Variants in CDKL1 observed in about 807,000 individuals in gnomAD.
CDKL1 encodes the protein cyclin dependent kinase like 1.
In CDKL1, 41 loss-of-function variants were observed where a neutral mutation model predicts 42.0. That is an observed-to-expected ratio of 0.98 (90% CI 0.76 to 1.27). The LOEUF is 1.27. CDKL1 is among the 50% of genes most tolerant of loss of function. The pLI, the probability that CDKL1 is intolerant of heterozygous loss-of-function variation, is 0.00. For synonymous variants in CDKL1, 153 were observed against 158.6 expected, an observed-to-expected ratio of 0.96 and a Z score of 0.26; for missense variants, 394 against 428.4, an observed-to-expected ratio of 0.92 and a Z score of 0.71.
At position 50,328,460 on chromosome 14, in the gene CDKL1, A is replaced by G. The variant is rs1023105654; in HGVS notation, c.*1614T>C. 1 of 152,194 alleles carries G rather than the reference A, an allele frequency of 6.6e-6. No individual in the cohort carries two copies. The highest frequency in any genetic ancestry group is 2.4e-5 in the African/African-American group (1 of 41,446). The allele number at this position is 152,194 out of a possible 1,614,324, so 9.4% of individuals were successfully genotyped here. ...ACTTAAGTAAATGGGGTCAGATGTC[A>G]TCATGAAGAAAATTAACAGGAAGAA... On this transcript the variant is annotated 3_prime_UTR_variant, in exon 10 of 10. Transcript: ENST00000395834.
At chr14:50,389,847 G>C (rs912356465) in intron 2 of CDKL1, among the ~76,000 whole-genome samples, 2 of 152,110 alleles carry the variant, frequency 1.3e-5, no homozygotes, top group African/African-American at 4.8e-5. Context: ...TATGGTGTTT[G>C]GTATAAAGTG....
In CDKL1 at chr14:50,396,009, A is replaced by G. The variant is rs1482847988; in HGVS notation, c.-141T>C. On this transcript the variant is annotated 5_prime_UTR_variant, in exon 2 of 10. Coordinates refer to ENST00000395834, the MANE Select transcript of CDKL1 (RefSeq NM_004196.7). ...AGACCAGTCTGGCCAACATACTGAA[A>G]CTCCGTCTCTACTAAAGATACAAAA... 1 of 1,005,904 alleles carries G rather than the reference A, an allele frequency of 9.9e-7. No individual in the cohort carries two copies. Among genetic ancestry groups the G allele is most frequent in the African/African-American group, 1.6e-5 (1 of 61,296 alleles). The allele number at this position is 1,005,904 out of a possible 1,614,324, so 62.3% of individuals were successfully genotyped here. A position where few individuals can be genotyped will look rare whatever the true frequency, so the allele number is the denominator to read the frequency against.
intron 7 of CDKL1, among the ~76,000 whole-genome samples, chr14:50,336,451 C>T (rs538156103): frequency 6.8e-4 from 103 of 152,268 alleles, no homozygotes; most frequent in Non-Finnish European, 1.3e-3. Context: ...TGGGTCACCT[C>T]CCATATGTCA....
Position 50,328,588 on chromosome 14 carries a change from G to T in CDKL1, c.*1486C>A, listed in dbSNP as rs2032792389. ...TAGTGGCAGCACATCAACCAGAAAT[G>T]GTGTTGAGCTGTAAGAAACAGACGT... is the stretch of plus-strand genomic sequence containing the variant. On this transcript the variant is annotated 3_prime_UTR_variant, in exon 10 of 10. Coordinates refer to ENST00000395834, the MANE Select transcript of CDKL1 (RefSeq NM_004196.7). 6.6e-6 allele frequency: 1 copy of T among 152,202 alleles called. No individual in the cohort carries two copies. The highest frequency in any genetic ancestry group is 1.5e-5 in the Non-Finnish European group (1 of 68,044). 9.4% of individuals were successfully genotyped at this position (152,202 alleles called of 1,614,324 possible). A position where few individuals can be genotyped will look rare whatever the true frequency, so the allele number is the denominator to read the frequency against.
intron 2 of CDKL1, among the ~76,000 whole-genome samples, chr14:50,380,866 T>A (rs1595363758): frequency 1.3e-5 from 2 of 148,924 alleles, no homozygotes; most frequent in Non-Finnish European, 3.0e-5. Flanking sequence ...TAGAGTGCAC[T>A]ATATAGCTCT....
At chr14:50,381,142 C>T (rs554890002) in intron 2 of CDKL1, among the ~76,000 whole-genome samples, 29 of 152,278 alleles carry the variant, frequency 1.9e-4, no homozygotes, top group South Asian at 2.1e-4. Context: ...GGACCCAGGA[C>T]AAGAGGGAAC....
intron 2 of CDKL1, among the ~76,000 whole-genome samples, chr14:50,379,762 A>C (rs1308042912): frequency 6.6e-6 from 1 of 152,198 alleles, no homozygotes; most frequent in African/African-American, 2.4e-5. Context: ...CTCCTCGCCC[A>C]GTTTCTAGAT....
chr14:50,352,176 C>A (rs1041273670), intron 3 of CDKL1, among the ~76,000 whole-genome samples: 1 of 152,120 alleles, frequency 6.6e-6, no homozygotes, highest in Non-Finnish European at 1.5e-5. Flanking sequence ...TTGGCATCAG[C>A]ATATAGTGGC....
At chr14:50,332,144 C>T (rs2032980705) in intron 9 of CDKL1, 118 bp downstream of exon 9, 1 of 1,612,632 alleles carries the variant, frequency 6.2e-7, no homozygotes, top group Non-Finnish European at 8.5e-7. Flanking sequence ...GATCCTATGA[C>T]CTGTCTCCTA....
intron 3 of CDKL1, among the ~76,000 whole-genome samples, chr14:50,353,956 TC>T (rs1418164049): frequency 2.0e-5 from 3 of 151,602 alleles, no homozygotes; most frequent in African/African-American, 4.8e-5. Flanking sequence ...TTCAATTTTT[TC>T]TTTTTTTTTT....
chr14:50,362,300 C>T (rs1218406840), intron 2 of CDKL1: 2 of 353,498 alleles, frequency 5.7e-6, no homozygotes, highest in African/African-American at 2.2e-5. Context: ...ATGGGACTGG[C>T]AGGCAGCTCC....
chr14:50,330,210 C>A, intron 9 of CDKL1, 29 bp from the exon 10 acceptor site: 1 of 1,585,534 alleles, frequency 6.3e-7, no homozygotes, highest in South Asian at 1.2e-5. Flanking sequence ...GAATTAGGTT[C>A]AAAACTGTGC....
At chr14:50,345,192 A>G (rs2033686998) in intron 3 of CDKL1, 134 bp from the exon 4 acceptor site, 3 of 707,530 alleles carry the variant, frequency 4.2e-6, no homozygotes, top group Non-Finnish European at 7.0e-6. Context: ...TTACTCATCA[A>G]TCATTCCATG....
chr14:50,389,097 C>T (rs1171015217), intron 2 of CDKL1, among the ~76,000 whole-genome samples: 1 of 90,486 alleles, frequency 1.1e-5, no homozygotes, highest in East Asian at 2.9e-4. Context: ...AGACTGTCTT[C>T]AAAAAAAAAA....
rs372026943 is a variant in CDKL1, at chr14:50,335,840, A to G, written c.739-1219T>C. 66 of 985,248 alleles carry G rather than the reference A, an allele frequency of 6.7e-5. No individual in the cohort carries two copies. In the East Asian group the frequency reaches 4.9e-3, roughly 73 times the overall value. 61.0% of individuals were successfully genotyped at this position (985,248 alleles called of 1,614,324 possible). On this transcript the variant is annotated intron_variant, in intron 7 of 9. Transcript: ENST00000395834. ...ACAGGCAACCAGCTCCCAATAACCAATTCTGGATTGTACACATACTAATCA... is the reference window on the plus strand; with the variant it reads ...ACAGGCAACCAGCTCCCAATAACCAGTTCTGGATTGTACACATACTAATCA...
chr14:50,359,224 A>G (rs1236175699), intron 2 of CDKL1, 75 bp from the exon 3 acceptor site: 1 of 1,514,498 alleles, frequency 6.6e-7, no homozygotes, highest in African/African-American at 1.4e-5. Flanking sequence ...TCCAATAAAA[A>G]GTAAGTTGTT....
At chr14:50,386,893 G>A (rs1006349839) in intron 2 of CDKL1, among the ~76,000 whole-genome samples, 1 of 152,012 alleles carries the variant, frequency 6.6e-6, no homozygotes, top group African/African-American at 2.4e-5. Flanking sequence ...CAGGTGTGGT[G>A]GCATGCACCT....
chr14:50,361,645 A>G (rs1271068428), intron 2 of CDKL1, among the ~76,000 whole-genome samples: 1 of 152,222 alleles, frequency 6.6e-6, no homozygotes, highest in Non-Finnish European at 1.5e-5. Context: ...TGCTAATCCC[A>G]TTCATGAGGG....
intron 6 of CDKL1, among the ~76,000 whole-genome samples, chr14:50,340,403 G>A (rs2033469519): frequency 6.6e-6 from 1 of 152,174 alleles, no homozygotes; most frequent in Admixed American, 6.5e-5. Context: ...ATACTCAGGC[G>A]AGTAGTGTCT....
Sources: gnomAD v4.1 joint callset for allele counts (sites outside exome capture counted in the v4.1 genomes callset) on GRCh38, gnomAD v4.1.1 for gene constraint, MANE v1.5 for transcripts, NCBI Gene and HGNC (gene_info 2026-07-23, HGNC 2026-07-21) for gene names.